Variants in FOXP3 observed in about 807,000 individuals in gnomAD.
The protein encoded by FOXP3 is forkhead box protein P3.
FOXP3 carries 5 observed loss-of-function variants against 31.2 expected under a neutral mutation model. The ratio of observed to expected loss-of-function variants is 0.16; its 90% CI spans 0.08 to 0.34. The LOEUF is 0.34. Among genes scored for constraint, FOXP3 ranks in the 10% least tolerant of loss-of-function variants. The probability of loss-of-function intolerance (pLI) is 1.00; values close to 1 mark genes in which losing one functional copy is unlikely to be tolerated. For missense variants in FOXP3, 251 were observed against 363.0 expected, an observed-to-expected ratio of 0.69 and a Z score of 2.51; for synonymous variants, 141 against 148.8, an observed-to-expected ratio of 0.95 and a Z score of 0.38.
Position 49,255,621 on chromosome X carries a change from C to T in FOXP3, c.735+94G>A, listed in dbSNP as rs11465472. 2.1e-3 allele frequency: 2,362 copies of T among 1,104,358 alleles called. 22 individuals are homozygous for T. The African/African-American group carries it at 0.039, about 18-fold the overall frequency. 91.0% of individuals were successfully genotyped at this position (1,104,358 alleles called of 1,213,427 possible). On this transcript the variant is annotated intron_variant, in intron 7 of 11. Transcript: ENST00000376207. ...GCTCCTCTTCCTTCCTTTATACCAG[C>T]CCTCGTCCCAGGTGAACTTGGTTTC...
chrX:49,264,159 G>A (rs1304725683), intron 1 of FOXP3, among the ~76,000 whole-genome samples: 3 of 111,324 alleles, frequency 2.7e-5, no homozygotes, highest in Non-Finnish European at 5.7e-5. Context: ...GAGATGGTCA[G>A]AGGCCAGGAG....
At chrX:49,254,675 C>T (rs1557116030) in intron 8 of FOXP3, among the ~76,000 whole-genome samples, 2 of 111,705 alleles carry the variant, frequency 1.8e-5, no homozygotes, top group East Asian at 5.6e-4. Context: ...TGTACATTCG[C>T]ATCATGAGAA....
At chrX:49,260,891 T>G (rs935578147) in intron 1 of FOXP3, among the ~76,000 whole-genome samples, 19 of 112,533 alleles carry the variant, frequency 1.7e-4, no homozygotes, top group African/African-American at 5.5e-4. Flanking sequence ...GAGAACTGGC[T>G]GCCCTGTCCT....
Position 49,255,456 on chromosome X carries a change from T to A in FOXP3, c.789A>T (p.Lys263Asn). 8.3e-7 allele frequency: 1 copy of A among 1,204,366 alleles called. No individual in the cohort carries two copies. The highest frequency in any genetic ancestry group is 1.1e-6 in the Non-Finnish European group (1 of 891,643). Residue 263 changes from lysine to asparagine, a missense_variant, in exon 8 of 12, where the codon AAA (lysine) becomes AAT (asparagine). By Grantham distance (94) the Lys-to-Asn change is moderately conservative (BLOSUM62 0). Coordinates refer to ENST00000376207, the MANE Select transcript of FOXP3 (RefSeq NM_014009.4). Reference protein sequence around the residue: ...LSAMQAHLAGKMALTKASSVA... With the variant: ...LSAMQAHLAGNMALTKASSVA... ...CAGATGAAGCCTTGGTCAGTGCCAT[T>A]TTCCCAGCCAGGTGGGCCTGCATGG...
At chrX:49,255,673 C>T (rs376812984) in intron 7 of FOXP3, 42 bp downstream of exon 7, 54 of 1,164,093 alleles carry the variant, frequency 4.6e-5, no homozygotes, top group Middle Eastern at 2.3e-4. Flanking sequence ...GAAGGTTTTG[C>T]GCACTATCCC....
chrX:49,255,338 G>T, intron 8 of FOXP3, 91 bp downstream of exon 8: 2 of 915,849 alleles, frequency 2.2e-6, no homozygotes, highest in Non-Finnish European at 3.1e-6. Context: ...CTCAGGACCT[G>T]AATGTGAGGT....
At chrX:49,255,592 G>T in intron 7 of FOXP3, 83 bp from the exon 8 acceptor site, 4 of 1,097,273 alleles carry the variant, frequency 3.6e-6, no homozygotes, top group Non-Finnish European at 5.0e-6. Flanking sequence ...CCCTGGGAGT[G>T]CCCGCTCCTC....
intron 9 of FOXP3, 109 bp from the exon 10 acceptor site, chrX:49,253,311 C>G: frequency 5.0e-6 from 3 of 604,735 alleles, no homozygotes; most frequent in Non-Finnish European, 5.5e-6. Flanking sequence ...ACCGTCAACA[C>G]CCGTGTCCAC....
chrX:49,261,642 T>G (rs781964670), intron 1 of FOXP3, among the ~76,000 whole-genome samples: 2 of 112,449 alleles, frequency 1.8e-5, no homozygotes, highest in South Asian at 7.4e-4. Flanking sequence ...AGCCCAGCTC[T>G]TGTGAGGCTG....
Position 49,250,911 on chromosome X carries a change from A to T in FOXP3, c.*423T>A, listed in dbSNP as rs1270395244. ...TGCAGCTTTGAGGTTGTTTGAGTGT[A>T]CTGAGGCAGGCTCTCTGTGTTTTGG... On this transcript the variant is annotated 3_prime_UTR_variant, in exon 12 of 12. Coordinates refer to ENST00000376207, the MANE Select transcript of FOXP3 (RefSeq NM_014009.4). 1 of 237,745 alleles carries T rather than the reference A, an allele frequency of 4.2e-6. No individual in the cohort carries two copies. The highest frequency in any genetic ancestry group is 7.6e-6 in the Non-Finnish European group (1 of 131,399). The allele number at this position is 237,745 out of a possible 1,213,427, so 19.6% of individuals were successfully genotyped here.
In FOXP3 at chrX:49,255,595, C is replaced by A; in HGVS notation, c.736-86G>T. Reference sequence around the variant, plus strand: ...GGCTACGGTCTTCCCTGGGAGTGCCCGCTCCTCTTCCTTCCTTTATACCAG... The same window carrying A: ...GGCTACGGTCTTCCCTGGGAGTGCCAGCTCCTCTTCCTTCCTTTATACCAG... On this transcript the variant is annotated intron_variant, in intron 7 of 11. Coordinates refer to ENST00000376207, the MANE Select transcript of FOXP3 (RefSeq NM_014009.4). The A allele has an allele frequency of 1.6e-5, 18 of 1,099,824 alleles. No homozygotes were observed. In the South Asian group the frequency reaches 3.3e-4, roughly 20 times the overall value. 90.6% of individuals were successfully genotyped at this position (1,099,824 alleles called of 1,213,427 possible). A position where few individuals can be genotyped will look rare whatever the true frequency, so the allele number is the denominator to read the frequency against.
intron 1 of FOXP3, among the ~76,000 whole-genome samples, chrX:49,262,315 G>A (rs1274296654): frequency 8.9e-6 from 1 of 112,490 alleles, no homozygotes; most frequent in African/African-American, 3.2e-5. Flanking sequence ...GTGTGGCCCT[G>A]GTATAAGAAC....
chrX:49,256,186 G>T (rs1268406883), intron 6 of FOXP3, among the ~76,000 whole-genome samples: 8 of 105,950 alleles, frequency 7.6e-5, no homozygotes, highest in Non-Finnish European at 1.5e-4. Flanking sequence ...AGTGTGGTGT[G>T]TATTTGTGTG....
intron 6 of FOXP3, among the ~76,000 whole-genome samples, chrX:49,256,221 A>T (rs2066069907): frequency 6.4e-4 from 1 of 1,565 alleles, no homozygotes; most frequent in Non-Finnish European, 1.5e-3. Flanking sequence ...AGAGAGAGAA[A>T]GAGAGAGAGA....
intron 9 of FOXP3, 33 bp downstream of exon 9, chrX:49,253,884 G>A (rs1557115906): frequency 8.3e-7 from 1 of 1,208,901 alleles, no homozygotes; most frequent in Middle Eastern, 2.3e-4. Context: ...TTAGGAGCTT[G>A]GGGGCACCGT....
chrX:49,254,661 C>T (rs1301948018), intron 8 of FOXP3, among the ~76,000 whole-genome samples: 10 of 111,769 alleles, frequency 8.9e-5, no homozygotes, highest in Non-Finnish European at 1.9e-4. Context: ...CAATATTCCT[C>T]ATCTGTACAT....
At chrX:49,256,637 G>T in intron 6 of FOXP3, 114 bp downstream of exon 6, 1 of 623,391 alleles carries the variant, frequency 1.6e-6, no homozygotes, top group Non-Finnish European at 2.7e-6. Context: ...CAGTCTCAGA[G>T]TTTAGCTCTT....
intron 10 of FOXP3, among the ~76,000 whole-genome samples, chrX:49,252,869 G>T (rs1156798968): frequency 9.1e-6 from 1 of 110,270 alleles, no homozygotes; most frequent in African/African-American, 3.3e-5. Context: ...TGGACATCTG[G>T]AAAGGGGTAG....
intron 9 of FOXP3, 79 bp from the exon 10 acceptor site, chrX:49,253,281 G>T: frequency 1.2e-6 from 1 of 859,607 alleles, no homozygotes; most frequent in Non-Finnish European, 1.7e-6. Flanking sequence ...TACAAGGTGA[G>T]TCTACAGGCC....
Sources: allele counts gnomAD v4.1 joint callset (sites outside exome capture counted in the v4.1 genomes callset), GRCh38; gene constraint gnomAD v4.1.1; transcripts MANE v1.5; gene names NCBI Gene and HGNC (gene_info 2026-07-23, HGNC 2026-07-21).